Variants in NR2F2 observed in about 807,000 individuals in gnomAD.
The protein encoded by NR2F2 is COUP transcription factor 2.
NR2F2 carries 2 observed loss-of-function variants against 34.8 expected under a neutral mutation model. That is an observed-to-expected ratio of 0.06 (90% confidence interval 0.02 to 0.18). NR2F2 has a LOEUF of 0.18. Ranked by LOEUF, NR2F2 falls within the 10% of genes least tolerant of loss-of-function variation. NR2F2 has a pLI of 1.00. For missense variants in NR2F2, 300 were observed against 580.1 expected, an observed-to-expected ratio of 0.52 and a Z score of 4.96; for synonymous variants, 274 against 251.8, an observed-to-expected ratio of 1.09 and a Z score of -0.84.
chr15:96,326,132 C>T, upstream of NR2F2: 1 of 635,698 alleles, frequency 1.6e-6, no homozygotes, highest in Non-Finnish European at 2.8e-6. This position sits in a 1 kb window ranked among gnomAD's most constrained non-coding sequence, Gnocchi z 5.5. Flanking sequence ...TCTCCCTTCA[C>T]CTTTCCTCTT....
chr15:96,328,399 T>C (rs1351857626), upstream of NR2F2, among the ~76,000 whole-genome samples: 1 of 152,234 alleles, frequency 6.6e-6, no homozygotes, highest in African/African-American at 2.4e-5. Context: ...GGAAGTCTCA[T>C]TCAGGAGGTG....
chr15:96,326,636 G>A (rs1898995966), upstream of NR2F2, among the ~76,000 whole-genome samples: 1 of 152,062 alleles, frequency 6.6e-6, no homozygotes, highest in African/African-American at 2.4e-5. The surrounding 1 kb of genome is among the most constrained non-coding windows in gnomAD (Gnocchi z 5.5). Context: ...GAAGCGTTAA[G>A]ACTGCGGAGC....
rs1028224686 is a variant in NR2F2 at position 96,330,998 on chromosome 15, T to G, written c.-1108T>G. 27 of 1,214,668 alleles carry G rather than the reference T, an allele frequency of 2.2e-5. No homozygotes were observed. The highest frequency in any genetic ancestry group is 2.6e-5 in the Non-Finnish European group (25 of 977,034). 75.2% of individuals were successfully genotyped at this position (1,214,668 alleles called of 1,614,324 possible). A position where few individuals can be genotyped will look rare whatever the true frequency, so the allele number is the denominator to read the frequency against. ...TGCCCTCCTCTCTCTCTTTTATCAT[T>G]TCTCCCCCGCCGCCGGCGAGTTGAC... On this transcript the variant is annotated 5_prime_UTR_variant, in exon 1 of 3. In the 5' UTR this introduces an upstream ATG that the reference lacks. Coordinates refer to ENST00000394166, the MANE Select transcript of NR2F2 (RefSeq NM_021005.4).
upstream of NR2F2, among the ~76,000 whole-genome samples, chr15:96,327,757 T>C (rs771922576): frequency 2.6e-5 from 4 of 152,232 alleles, no homozygotes; most frequent in Non-Finnish European, 5.9e-5. Flanking sequence ...TGTATTCATA[T>C]TGTGATTCAA....
chr15:96,333,694 C>T lies in NR2F2; in HGVS notation c.443-382C>T, dbSNP rs997146779. The T allele has an allele frequency of 6.3e-5, 72 of 1,143,736 alleles. 1 individual carries two copies. The highest frequency in any genetic ancestry group is 4.5e-5 in the East Asian group (1 of 22,132). 70.8% of individuals were successfully genotyped at this position (1,143,736 alleles called of 1,614,324 possible). Reference sequence around the variant, plus strand: ...CGCCTCACCCTCCCCCCAGACTCGCCCCTCCCGCTCCCTCTCCTCCAATCA... The same window carrying T: ...CGCCTCACCCTCCCCCCAGACTCGCTCCTCCCGCTCCCTCTCCTCCAATCA... On this transcript the variant is annotated intron_variant, in intron 1 of 2. Coordinates refer to ENST00000394166, the MANE Select transcript of NR2F2 (RefSeq NM_021005.4).
rs1232482863 is a variant in NR2F2, at chr15:96,339,901, A to G, written c.*2279A>G. 1 of 152,028 alleles carries G rather than the reference A, an allele frequency of 6.6e-6. No individual in the cohort carries two copies. Among genetic ancestry groups the G allele is most frequent in the African/African-American group, 2.4e-5 (1 of 41,376 alleles). 9.4% of individuals were successfully genotyped at this position (152,028 alleles called of 1,614,324 possible). On this transcript the variant is annotated 3_prime_UTR_variant, in exon 3 of 3. Coordinates refer to ENST00000394166, the MANE Select transcript of NR2F2 (RefSeq NM_021005.4). ...GTGAGGGAGGTGAAAGAACAGGGATAATTTTGTAAAGTGTATTAAACGTTA... is the reference window on the plus strand; with the variant it reads ...GTGAGGGAGGTGAAAGAACAGGGATGATTTTGTAAAGTGTATTAAACGTTA...
chr15:96,334,863 T>G (rs939159457), intron 2 of NR2F2, among the ~76,000 whole-genome samples: 1 of 152,256 alleles, frequency 6.6e-6, no homozygotes, highest in Non-Finnish European at 1.5e-5. Context: ...GCTGCCTGTT[T>G]CCCCCACCTG....
intron 2 of NR2F2, among the ~76,000 whole-genome samples, chr15:96,336,612 T>C (rs1431994327): frequency 1.3e-5 from 2 of 150,674 alleles, no homozygotes; most frequent in Non-Finnish European, 2.9e-5. Context: ...AAAAGTGTTT[T>C]CCTGAAGATA....
intron 1 of NR2F2, chr15:96,333,272 G>T (rs1169587203): frequency 2.3e-5 from 21 of 916,928 alleles, no homozygotes; most frequent in Non-Finnish European, 2.7e-5. Flanking sequence ...TCGGCGCGGG[G>T]CGCGGGCTCC....
chr15:96,330,126 T>C (rs1277376932), upstream of NR2F2, among the ~76,000 whole-genome samples: 8 of 152,116 alleles, frequency 5.3e-5, no homozygotes, highest in Non-Finnish European at 1.2e-4. Context: ...TCACTCCCTA[T>C]CCCTCTGCAA....
In NR2F2 at chr15:96,337,639, G is replaced by T; in HGVS notation, c.*17G>T. Reference sequence around the variant, plus strand: ...ATTCAATAAATAAATAAAATAAGAAGGGGGAGTGAAACAGAGAAAGAAAAG... The same window carrying T: ...ATTCAATAAATAAATAAAATAAGAATGGGGAGTGAAACAGAGAAAGAAAAG... On this transcript the variant is annotated 3_prime_UTR_variant, in exon 3 of 3. Transcript: ENST00000394166. The T allele has an allele frequency of 6.2e-7, 1 of 1,606,692 alleles. No homozygotes were observed. Among genetic ancestry groups the T allele is most frequent in the South Asian group, 1.1e-5 (1 of 90,334 alleles).
rs1351973411 is a variant in NR2F2, at chr15:96,332,233, C to G, written c.128C>G (p.Pro43Arg). 12 of 1,533,958 alleles carry G rather than the reference C, an allele frequency of 7.8e-6. No individual in the cohort carries two copies. The change falls in exon 1 of 3, where the codon CCC (proline) becomes CGC (arginine). Residue 43 changes from proline to arginine, a missense_variant. Around this residue, in one of 6 missense-constraint regions of NR2F2, gnomAD observed 105 missense variants for 107.8 expected, o/e 0.97. Coordinates refer to ENST00000394166, the MANE Select transcript of NR2F2 (RefSeq NM_021005.4). ...GGCGCCCCGCACACGCCACAGACGC[C>G]CGGCCAAGGGGGCCCAGCCAGCACG... The part of the protein sequence containing the change: ...PPGAPHTPQT[P>R]GQGGPASTPA...
upstream of NR2F2, among the ~76,000 whole-genome samples, chr15:96,330,445 C>G (rs992780897): frequency 6.9e-6 from 1 of 145,746 alleles, no homozygotes; most frequent in Non-Finnish European, 1.5e-5. Flanking sequence ...TCCCCGCCCC[C>G]CCAACCCCCG....
At position 96,339,653 on chromosome 15, in the gene NR2F2, GGAA is replaced by G. The variant is rs1445468439; in HGVS notation, c.*2033_*2035del. On this transcript the variant is annotated 3_prime_UTR_variant, in exon 3 of 3. Transcript: ENST00000394166. ...AAGCAGGACAGAGAAAAAGAAAGAA[GGAA>G]GGAGGGAAACTTTACAGGGTGTGCT... 1 of 152,202 alleles carries G rather than the reference GGAA, an allele frequency of 6.6e-6. No individual in the cohort carries two copies. The highest frequency in any genetic ancestry group is 2.4e-5 in the African/African-American group (1 of 41,442). 9.4% of individuals were successfully genotyped at this position (152,202 alleles called of 1,614,324 possible).
At position 96,330,703 on chromosome 15, in the gene NR2F2, A is replaced by G. The variant is rs1899108684; in HGVS notation, c.-1403A>G. On this transcript the variant is annotated 5_prime_UTR_variant, in exon 1 of 3. Coordinates refer to ENST00000394166, the MANE Select transcript of NR2F2 (RefSeq NM_021005.4). ...AGAGCTCAGTGAGCTGATCGCGGAG[A>G]AGCCACTTCTGCCAGCCCCGGCGCC... 4.6e-6 allele frequency: 1 copy of G among 216,950 alleles called. No individual in the cohort carries two copies. The highest frequency in any genetic ancestry group is 8.2e-6 in the Non-Finnish European group (1 of 122,010). 13.4% of individuals were successfully genotyped at this position (216,950 alleles called of 1,614,324 possible). A position where few individuals can be genotyped will look rare whatever the true frequency, so the allele number is the denominator to read the frequency against.
chr15:96,331,435 C>G lies in NR2F2; in HGVS notation c.-671C>G. 8.1e-7 allele frequency: 1 copy of G among 1,231,320 alleles called. No individual in the cohort carries two copies. Among genetic ancestry groups the G allele is most frequent in the Non-Finnish European group, 1.0e-6 (1 of 988,006 alleles). 76.3% of individuals were successfully genotyped at this position (1,231,320 alleles called of 1,614,324 possible). ...GCCTGCCTGGCTCCCTGGGCGCGCC[C>G]GCACCCGGCGCCTCCGATCTCCTAG... On this transcript the variant is annotated 5_prime_UTR_variant, in exon 1 of 3. Transcript: ENST00000394166.
chr15:96,336,499 C>CT (rs1264864846), intron 2 of NR2F2, among the ~76,000 whole-genome samples: 4 of 152,134 alleles, frequency 2.6e-5, no homozygotes, highest in African/African-American at 9.7e-5. Flanking sequence ...TAACCCCAGT[C>CT]TTGTATGGGG....
intron 2 of NR2F2, among the ~76,000 whole-genome samples, chr15:96,335,246 T>G (rs189537020): frequency 6.6e-6 from 1 of 152,376 alleles, no homozygotes. Context: ...TCTGGCCTCT[T>G]GCTTCCCCTG....
chr15:96,337,296 CTT>C (rs1899355856), intron 2 of NR2F2, 50 bp from the exon 3 acceptor site: 1 of 1,580,290 alleles, frequency 6.3e-7, no homozygotes, highest in African/African-American at 1.4e-5. Flanking sequence ...TCTTCTTCTT[CTT>C]CTTCTTCTTT....
Sources: allele counts gnomAD v4.1 joint callset (sites outside exome capture counted in the v4.1 genomes callset), GRCh38; gene constraint gnomAD v4.1.1; regional missense constraint gnomAD v4.1.1; non-coding constraint Gnocchi (gnomAD v3.1); transcripts MANE v1.5; gene names NCBI Gene and HGNC (gene_info 2026-07-23, HGNC 2026-07-21).